Variants in MTHFD1L observed in about 807,000 individuals in gnomAD.
The protein encoded by MTHFD1L is methylenetetrahydrofolate dehydrogenase (NADP+ dependent) 1 like.
In MTHFD1L, 81 loss-of-function variants were observed where a neutral mutation model predicts 119.5. The observed-to-expected ratio is 0.68, with a 90% CI of 0.57 to 0.82. MTHFD1L has a LOEUF of 0.82. Ranked by LOEUF, MTHFD1L falls within the 40% of genes least tolerant of loss-of-function variation. The pLI, the probability that MTHFD1L is intolerant of heterozygous loss-of-function variation, is 0.00. For synonymous variants in MTHFD1L, 430 were observed against 475.2 expected (o/e 0.90, Z 1.24); for missense variants, 1,125 against 1,253.4 (o/e 0.90, Z 1.55).
intron 24 of MTHFD1L, among the ~76,000 whole-genome samples, chr6:151,026,637 A>G (rs929235684): frequency 2.0e-5 from 3 of 152,084 alleles, no homozygotes; most frequent in African/African-American, 7.2e-5. Flanking sequence ...TAGTTCAAAA[A>G]TGACCAAAGA....
intron 17 of MTHFD1L, among the ~76,000 whole-genome samples, chr6:150,956,567 T>C: frequency 6.6e-6 from 1 of 152,234 alleles, no homozygotes; most frequent in East Asian, 1.9e-4. Flanking sequence ...AGAAAAATTA[T>C]GTCTGACTTC....
chr6:150,935,430 A>T (rs1791889321), intron 11 of MTHFD1L: 2 of 1,613,484 alleles, frequency 1.2e-6, no homozygotes, highest in African/African-American at 1.3e-5. Context: ...GCAATGGGTG[A>T]ACTGAGCTCA....
chr6:150,932,787 A>G (rs1317499728), intron 11 of MTHFD1L, among the ~76,000 whole-genome samples: 88 of 100,266 alleles, frequency 8.8e-4, no homozygotes, highest in African/African-American at 5.0e-3. Context: ...AAAAAAAGAG[A>G]AAGGAAGAAA....
chr6:151,063,332 G>A (rs561081168), intron 26 of MTHFD1L, among the ~76,000 whole-genome samples: 19 of 152,206 alleles, frequency 1.2e-4, no homozygotes, highest in African/African-American at 4.3e-4. Flanking sequence ...CATTTGTGTA[G>A]TCTCTCTCTC....
chr6:150,867,049 T>G (rs1014994276), intron 1 of MTHFD1L, among the ~76,000 whole-genome samples: 1 of 152,180 alleles, frequency 6.6e-6, no homozygotes, highest in Admixed American at 6.5e-5. Flanking sequence ...TGCTTGCCTT[T>G]CTCTCTGCCT....
chr6:150,937,083 TC>T (rs1554255286), intron 12 of MTHFD1L, 143 bp downstream of exon 12: 5 of 1,051,922 alleles, frequency 4.8e-6, no homozygotes, highest in Non-Finnish European at 6.6e-6. Context: ...TACATAGTGG[TC>T]GCCCCATGTT....
intron 26 of MTHFD1L, among the ~76,000 whole-genome samples, chr6:151,077,579 G>C (rs1238665337): frequency 6.6e-6 from 1 of 152,214 alleles, no homozygotes; most frequent in Non-Finnish European, 1.5e-5. Flanking sequence ...TACTCGGGAA[G>C]CTGAGGCATG....
At chr6:151,057,217 A>T (rs748384349) in intron 26 of MTHFD1L, 8 of 984,914 alleles carry the variant, frequency 8.1e-6, no homozygotes, top group Non-Finnish European at 9.6e-6. Flanking sequence ...CTGTCAATCT[A>T]ATTTTTAAAT....
chr6:151,100,033 TC>T (rs1795239430), intron 27 of MTHFD1L: 15 of 650,222 alleles, frequency 2.3e-5, no homozygotes, highest in South Asian at 7.9e-5. Context: ...TTCTTTCTTT[TC>T]TTTTTTTTTT....
At chr6:150,867,246 C>A (rs998049508) in intron 1 of MTHFD1L, among the ~76,000 whole-genome samples, 5 of 152,166 alleles carry the variant, frequency 3.3e-5, no homozygotes, top group African/African-American at 9.7e-5. Context: ...GGCTGGAGTT[C>A]AGTGGTGCCA....
Position 151,037,061 on chromosome 6 carries a change from A to G in MTHFD1L, c.2791A>G (p.Ile931Val). 8 of 1,611,962 alleles carry G rather than the reference A, an allele frequency of 5.0e-6. No individual in the cohort carries two copies. Among genetic ancestry groups the G allele is most frequent in the African/African-American group, 1.3e-5 (1 of 74,956 alleles). The change falls in exon 26 of 28, where the codon ATC (isoleucine) becomes GTC (valine). Residue 931 changes from isoleucine to valine, a missense_variant. Coordinates refer to ENST00000367321, the MANE Select transcript of MTHFD1L (RefSeq NM_015440.5). ...KGVPRDFILP[I>V]SDVRASIGAG... ...TGTGCCAAGGGACTTCATCTTACCTATCAGTGACGTCCGGGCCAGCATAGG... is the reference window on the plus strand; with the variant it reads ...TGTGCCAAGGGACTTCATCTTACCTGTCAGTGACGTCCGGGCCAGCATAGG...
At chr6:150,962,382 A>G (rs1796575335) in intron 18 of MTHFD1L, among the ~76,000 whole-genome samples, 1 of 152,116 alleles carries the variant, frequency 6.6e-6, no homozygotes, top group African/African-American at 2.4e-5. Flanking sequence ...TAAACTCTTT[A>G]TTTATCTTTT....
intron 7 of MTHFD1L, among the ~76,000 whole-genome samples, chr6:150,895,744 C>A (rs1002141135): frequency 6.6e-5 from 10 of 150,708 alleles, no homozygotes; most frequent in Non-Finnish European, 2.9e-5. Flanking sequence ...TTGTATTATA[C>A]ATGTGAAAGG....
At chr6:150,962,322 T>G (rs1796568241) in intron 18 of MTHFD1L, among the ~76,000 whole-genome samples, 1 of 152,248 alleles carries the variant, frequency 6.6e-6, no homozygotes, top group South Asian at 2.1e-4. Context: ...GATAAAAATC[T>G]TGGATCTGGA....
At chr6:151,057,202 G>T (rs755071581) in intron 26 of MTHFD1L, 4 of 985,160 alleles carry the variant, frequency 4.1e-6, no homozygotes, top group Non-Finnish European at 4.8e-6. Flanking sequence ...CCATGATCCT[G>T]ATTTCTGTCA....
chr6:150,948,287 G>A (rs899053884), intron 15 of MTHFD1L, among the ~76,000 whole-genome samples: 9 of 151,356 alleles, frequency 5.9e-5, no homozygotes, highest in East Asian at 2.0e-4. Flanking sequence ...GATTACAGGC[G>A]TGAGCCACCA....
chr6:151,089,670 A>G, intron 26 of MTHFD1L, among the ~76,000 whole-genome samples: 1 of 152,360 alleles, frequency 6.6e-6, no homozygotes, highest in East Asian at 1.9e-4. Flanking sequence ...GTTAGGCAGG[A>G]AAATTACCTG....
intron 24 of MTHFD1L, among the ~76,000 whole-genome samples, chr6:151,022,774 TG>T (rs1355699294): frequency 6.6e-6 from 1 of 152,144 alleles, no homozygotes; most frequent in African/African-American, 2.4e-5. Flanking sequence ...ATGTTTGGAG[TG>T]TTCTGTGGAA....
chr6:150,947,627 T>G (rs1794200349), intron 15 of MTHFD1L, among the ~76,000 whole-genome samples: 1 of 151,948 alleles, frequency 6.6e-6, no homozygotes, highest in African/African-American at 2.4e-5. Context: ...TTCTCCTCCA[T>G]AAATTAGGAA....
Sources: allele counts gnomAD v4.1 joint callset (sites outside exome capture counted in the v4.1 genomes callset), GRCh38; gene constraint gnomAD v4.1.1; transcripts MANE v1.5; gene names NCBI Gene and HGNC (gene_info 2026-07-23, HGNC 2026-07-21).